The following PHF19 variants were observed in gnomAD, a reference collection of about 807,000 sequenced individuals.
PHF19 encodes PHD finger protein 19, also known as polycomb like 3.
PHF19 carries 21 observed loss-of-function variants against 79.8 expected under a neutral mutation model. That is an observed-to-expected ratio of 0.26 (90% CI 0.19 to 0.38). The LOEUF is 0.38. PHF19 is among the 10% of genes least tolerant of loss of function. The probability of loss-of-function intolerance (pLI) is 1.00; values close to 1 mark genes in which losing one functional copy is unlikely to be tolerated. For synonymous variants in PHF19, 273 were observed against 296.3 expected, an observed-to-expected ratio of 0.92 and a Z score of 0.81; for missense variants, 445 against 744.2, an observed-to-expected ratio of 0.60 and a Z score of 4.68.
Position 120,877,076 on chromosome 9 carries a change from C to T in PHF19, c.-16+15G>A. ...AGAGCGTGGCGGGGAGTCCGCCCAA[C>T]AGCGCAGAACTCACCGCGAGGCTGC... is the stretch of plus-strand genomic sequence containing the variant. On this transcript the variant is annotated intron_variant, in intron 1 of 14. Transcript: ENST00000373896. 1.0e-6 allele frequency: 1 copy of T among 985,376 alleles called. No homozygotes were observed. The allele number at this position is 985,376 out of a possible 1,614,324, so 61.0% of individuals were successfully genotyped here.
At chr9:120,881,445 C>T (rs1164817288), upstream of PHF19, among the ~76,000 whole-genome samples, 1 of 152,028 alleles carries the variant, frequency 6.6e-6, no homozygotes, top group Non-Finnish European at 1.5e-5. Flanking sequence ...CCGTGCCTGG[C>T]CCACAGGGGG....
chr9:120,865,812 C>T lies in PHF19; in HGVS notation c.798G>A (p.Leu266=), dbSNP rs141878090. ...LPLRWVDVVH[L]ALYNLGVQSK... is the part of the protein sequence containing the mutation. ...TCTGTACCCCCAGATTATAGAGGGC[C>T]AGGTGAACCACATCCACCCTGGGCA... Residue 266 remains leucine (L), a synonymous_variant, in exon 9 of 15, where the codon CTG becomes CTA. Transcript: ENST00000373896. The T allele has an allele frequency of 2.2e-5, 35 of 1,614,128 alleles. No homozygotes were observed. In the African/African-American group the frequency reaches 3.6e-4, roughly 17 times the overall value.
upstream of PHF19, among the ~76,000 whole-genome samples, chr9:120,896,689 G>A (rs1246181723): frequency 1.3e-5 from 2 of 151,888 alleles, no homozygotes; most frequent in African/African-American, 4.8e-5. Context: ...TCCTGACCTC[G>A]TGATCCGCCC....
At chr9:120,858,429 GCT>G (rs2131468080) in intron 14 of PHF19, 143 bp from the exon 15 acceptor site, 1 of 589,274 alleles carries the variant, frequency 1.7e-6, no homozygotes, top group East Asian at 3.1e-5. Context: ...CTTCTCCCAT[GCT>G]CTCTCAAAGG....
Position 120,860,727 on chromosome 9 carries a change from G to A in PHF19, c.1304+362C>T, listed in dbSNP as rs564038307. On this transcript the variant is annotated intron_variant, in intron 13 of 14. Transcript: ENST00000373896. This position sits in a 1 kb window ranked among gnomAD's most constrained non-coding sequence, Gnocchi z 4.1. Reference sequence around the variant, plus strand: ...GTGCTATGGAACTACAAAGGAGGGCGTCCAGCACAGCCTGGGGAGGGTTAG... The same window carrying A: ...GTGCTATGGAACTACAAAGGAGGGCATCCAGCACAGCCTGGGGAGGGTTAG... Among the ~76,000 whole-genome samples the A allele has an allele frequency of 3.8e-4, 58 of 152,302 alleles. No homozygotes were observed. The highest frequency in any genetic ancestry group is 7.2e-4 in the Non-Finnish European group (49 of 68,024).
At chr9:120,881,782 G>T (rs1246722896), upstream of PHF19, among the ~76,000 whole-genome samples, 12 of 152,138 alleles carry the variant, frequency 7.9e-5, no homozygotes, top group Non-Finnish European at 1.8e-4. Context: ...GTTTATTTGA[G>T]ATGAAGTCTT....
intron 3 of PHF19, among the ~76,000 whole-genome samples, chr9:120,873,116 G>A (rs956481940): frequency 7.9e-5 from 12 of 152,182 alleles, no homozygotes; most frequent in Non-Finnish European, 1.8e-4. Context: ...GGCAAAGCTG[G>A]AACTTGGTCC....
rs1290829030 is a variant in PHF19, at chr9:120,869,571, CATGT to C, written c.466-245_466-242del. On this transcript the variant is annotated intron_variant, in intron 5 of 14. Transcript: ENST00000373896. The surrounding 1 kb of genome is among the most constrained non-coding windows in gnomAD (Gnocchi z 5.8). ...GCGCAATAAAGGCAACAATTACCAA[CATGT>C]ATTTACATGGATTTTCTTTTTTAAT... 13 of 1,457,966 alleles carry C rather than the reference CATGT, an allele frequency of 8.9e-6. No individual in the cohort carries two copies. Among genetic ancestry groups the C allele is most frequent in the Non-Finnish European group, 8.1e-6 (9 of 1,107,856 alleles). The allele number at this position is 1,457,966 out of a possible 1,614,324, so 90.3% of individuals were successfully genotyped here. A position where few individuals can be genotyped will look rare whatever the true frequency, so the allele number is the denominator to read the frequency against.
chr9:120,899,579 T>A (rs1387325648), upstream of PHF19, among the ~76,000 whole-genome samples: 1 of 152,170 alleles, frequency 6.6e-6, no homozygotes, highest in Non-Finnish European at 1.5e-5. Flanking sequence ...CTTCTGCAAT[T>A]GGCATCCTTA....
rs72758146 is a variant in PHF19 at position 120,887,959 on chromosome 9, C to T, written c.42+6829G>A. Among the ~76,000 whole-genome samples, 897 of 152,214 alleles carry T rather than the reference C, an allele frequency of 5.9e-3. 4 individuals are homozygous for T. The highest frequency in any genetic ancestry group is 0.01 in the Non-Finnish European group (696 of 68,010). The stretch of plus-strand genomic sequence containing the variant: ...CTCGTCCCCTGAGCACCTAATGACA[C>T]GCGTGCACGTCTCTTGATTCCTTGT... On this transcript the variant is annotated intron_variant, in intron 1 of 14. Coordinates refer to the PHF19 transcript ENST00000616568.
At chr9:120,884,106 A>G (rs1254088612) in intron 1 of PHF19, among the ~76,000 whole-genome samples, 1 of 152,256 alleles carries the variant, frequency 6.6e-6, no homozygotes, top group Non-Finnish European at 1.5e-5. Context: ...TTGACCCACC[A>G]AAAGCTGCAT....
Position 120,891,016 on chromosome 9 carries a change from G to C in PHF19, c.42+3772C>G, listed in dbSNP as rs537056900. Among the ~76,000 whole-genome samples, 2 of 152,082 alleles carry C rather than the reference G, an allele frequency of 1.3e-5. No homozygotes were observed. The highest frequency in any genetic ancestry group is 2.9e-5 in the Non-Finnish European group (2 of 68,028). ...CTCTCCCCGGAATTTGGGCCTCAGA[G>C]CCTTGGACTGTGTTTTTGCCTTGAT... On this transcript the variant is annotated intron_variant, in intron 1 of 14. Coordinates refer to the PHF19 transcript ENST00000616568. The surrounding 1 kb of genome is among the most constrained non-coding windows in gnomAD (Gnocchi z 4.3).
chr9:120,875,245 G>A (rs1342636522), intron 1 of PHF19, among the ~76,000 whole-genome samples: 1 of 152,186 alleles, frequency 6.6e-6, no homozygotes, highest in African/African-American at 2.4e-5. Flanking sequence ...GGAAAACTGG[G>A]TGGCTTGTAG....
intron 9 of PHF19, 148 bp downstream of exon 9, chr9:120,865,562 C>T: frequency 2.0e-6 from 2 of 992,672 alleles, no homozygotes; most frequent in Non-Finnish European, 2.9e-6. Context: ...TTAGGAAGGC[C>T]CTTAAAGGAC....
At chr9:120,902,472 C>T in the PHF19 span, 1 of 128,522 alleles carries the variant, frequency 7.8e-6, no homozygotes, top group African/African-American at 2.9e-5. Context: ...TCAATAGGCC[C>T]AGGGTTACCA....
chr9:120,865,461 G>C (rs1354833524), intron 9 of PHF19, among the ~76,000 whole-genome samples: 2 of 152,218 alleles, frequency 1.3e-5, no homozygotes, highest in Non-Finnish European at 2.9e-5. Flanking sequence ...ACTCAGCAGA[G>C]AGCTGTGTTC....
chr9:120,902,174 C>T, the PHF19 span, among the ~76,000 whole-genome samples: 2 of 152,184 alleles, frequency 1.3e-5, no homozygotes, highest in Admixed American at 6.5e-5. Context: ...TCACCCTGTA[C>T]ATTAGAACCC....
At position 120,885,813 on chromosome 9, in the gene PHF19, T is replaced by C. The variant is rs1031060180; in HGVS notation, c.42+8975A>G. ...CCTTCTGTTTGAGTGTTCCATGACA[T>C]GTGACCTTCTTATGAGTTTCAGAGG... On this transcript the variant is annotated intron_variant, in intron 1 of 14. Transcript: ENST00000616568. Among the ~76,000 whole-genome samples the C allele has an allele frequency of 8.5e-5, 13 of 152,334 alleles. No homozygotes were observed. The East Asian group carries it at 1.5e-3, about 18-fold the overall frequency.
chr9:120,860,617 A>C lies in PHF19; in HGVS notation c.1305-432T>G, dbSNP rs1426853246. 4.4e-6 allele frequency: 1 copy of C among 227,294 alleles called. No individual in the cohort carries two copies. Among genetic ancestry groups the C allele is most frequent in the Non-Finnish European group, 8.9e-6 (1 of 112,298 alleles). The allele number at this position is 227,294 out of a possible 1,614,324, so 14.1% of individuals were successfully genotyped here. A position where few individuals can be genotyped will look rare whatever the true frequency, so the allele number is the denominator to read the frequency against. On this transcript the variant is annotated intron_variant, in intron 13 of 14. Coordinates refer to ENST00000373896, the MANE Select transcript of PHF19 (RefSeq NM_015651.3). The surrounding 1 kb of genome is among the most constrained non-coding windows in gnomAD (Gnocchi z 4.1). ...CTCTAAAGCCCTCCTCTGTGTCCTC[A>C]GGAAAATACTAAATGACCTTTAATA...
Sources: allele counts gnomAD v4.1 joint callset (sites outside exome capture counted in the v4.1 genomes callset), GRCh38; gene constraint gnomAD v4.1.1; non-coding constraint Gnocchi (gnomAD v3.1); transcripts MANE v1.5; gene names NCBI Gene and HGNC (gene_info 2026-07-23, HGNC 2026-07-21).